The following FILIP1L variants were observed in gnomAD, a reference collection of about 807,000 sequenced individuals.
FILIP1L encodes filamin A-interacting protein 1-like.
A neutral mutation model predicts 96.6 loss-of-function variants in FILIP1L; 55 were observed. The ratio of observed to expected loss-of-function variants is 0.57; its 90% confidence interval spans 0.46 to 0.71. The LOEUF is 0.71. Ranked by LOEUF, FILIP1L falls within the 30% of genes least tolerant of loss-of-function variation. The probability of loss-of-function intolerance (pLI) is 0.00; values close to 1 mark genes in which losing one functional copy is unlikely to be tolerated. For missense variants in FILIP1L, 1,304 were observed against 1,321.2 expected (o/e 0.99, Z 0.20); for synonymous variants, 467 against 473.9 (o/e 0.99, Z 0.19).
Position 99,930,964 on chromosome 3 carries a change from A to G in FILIP1L, c.57T>C (p.His19=), listed in dbSNP as rs1707463706. 6.2e-7 allele frequency: 1 copy of G among 1,613,382 alleles called. No homozygotes were observed. The highest frequency in any genetic ancestry group is 1.1e-5 in the South Asian group (1 of 91,028). Residue 19 remains histidine, a synonymous_variant, in exon 2 of 6, where the codon CAT becomes CAC. Coordinates refer to ENST00000477258, the MANE Select transcript of FILIP1L (RefSeq NM_001387850.1). ...EGSAQKKFPR[H]TKGHSFQGPK... is the part of the protein sequence containing the mutation. ...GCCCTTGGAAACTGTGGCCTTTAGT[A>G]TGTCTTGGAAATTTCTTTTGGGCTG...
chr3:100,106,426 G>A (rs2107467451), intron 1 of FILIP1L, among the ~76,000 whole-genome samples: 1 of 152,060 alleles, frequency 6.6e-6, no homozygotes, highest in South Asian at 2.1e-4. Flanking sequence ...GCAAGATATG[G>A]CCCCAGGGAC....
At chr3:100,103,982 G>A (rs2066352692) in intron 1 of FILIP1L, among the ~76,000 whole-genome samples, 1 of 152,240 alleles carries the variant, frequency 6.6e-6, no homozygotes, top group African/African-American at 2.4e-5. Context: ...GAGGTTTTCA[G>A]TTAGTAGAAG....
intron 1 of FILIP1L, among the ~76,000 whole-genome samples, chr3:100,038,244 C>A (rs1258951152): frequency 6.6e-6 from 1 of 152,104 alleles, no homozygotes; most frequent in Non-Finnish European, 1.5e-5. Flanking sequence ...GCGTGAGCCA[C>A]CACGCCCGGC....
intron 4 of FILIP1L, among the ~76,000 whole-genome samples, chr3:99,852,901 T>C (rs1266576223): frequency 6.6e-6 from 1 of 152,242 alleles, no homozygotes; most frequent in Non-Finnish European, 1.5e-5. Context: ...TGCATCTTTT[T>C]TGTGGGAGTC....
At chr3:99,996,502 C>T (rs905157348) in intron 1 of FILIP1L, among the ~76,000 whole-genome samples, 26 of 152,252 alleles carry the variant, frequency 1.7e-4, no homozygotes, top group African/African-American at 5.3e-4. Flanking sequence ...TCCACATTTT[C>T]GGGTATCTTT....
intron 1 of FILIP1L, among the ~76,000 whole-genome samples, chr3:99,945,680 G>C (rs1348953919): frequency 6.6e-6 from 1 of 152,182 alleles, no homozygotes; most frequent in Admixed American, 6.5e-5. Context: ...GTCAATTTCA[G>C]CATGCAAAAC....
chr3:99,967,127 G>A (rs550364467), intron 1 of FILIP1L, among the ~76,000 whole-genome samples: 13 of 152,210 alleles, frequency 8.5e-5, no homozygotes, highest in Non-Finnish European at 1.6e-4. Flanking sequence ...AGAACTTTCT[G>A]AAAAGCTTGG....
At chr3:100,002,456 C>G (rs565012116) in intron 1 of FILIP1L, among the ~76,000 whole-genome samples, 1 of 152,318 alleles carries the variant, frequency 6.6e-6, no homozygotes, top group African/African-American at 2.4e-5. Context: ...CCACCAGTTT[C>G]TGCCTGCCAC....
intron 3 of FILIP1L, among the ~76,000 whole-genome samples, chr3:99,925,330 G>A (rs1427590505): frequency 3.3e-5 from 5 of 152,116 alleles, no homozygotes; most frequent in South Asian, 4.1e-4. Context: ...TCAACCTGTG[G>A]CTGATACATG....
At chr3:99,957,820 T>G (rs576615955) in intron 1 of FILIP1L, among the ~76,000 whole-genome samples, 1 of 150,822 alleles carries the variant, frequency 6.6e-6, no homozygotes, top group South Asian at 2.1e-4. Context: ...ATAGCTTGTT[T>G]TTAGTTCTTA....
At chr3:99,983,187 C>T (rs1353260541) in intron 1 of FILIP1L, among the ~76,000 whole-genome samples, 2 of 151,442 alleles carry the variant, frequency 1.3e-5, no homozygotes, top group Admixed American at 1.3e-4. Context: ...TGTTATCTAA[C>T]TTCTTTGAAT....
In FILIP1L at chr3:99,996,454, G is replaced by T. The variant is rs149221207; in HGVS notation, c.-10-65424C>A. Among the ~76,000 whole-genome samples the T allele has an allele frequency of 7.2e-3, 1,095 of 152,178 alleles. 4 individuals are homozygous for T. Among genetic ancestry groups the T allele is most frequent in the African/African-American group, 1.0e-2 (414 of 41,518 alleles). ...TGTCTTCTTCTGAGCCCTCCAAACT[G>T]TTCCAACCTCTGCCTTTTACCCAGT... is the stretch of plus-strand genomic sequence containing the variant. On this transcript the variant is annotated intron_variant, in intron 1 of 5. Transcript: ENST00000477258.
intron 1 of FILIP1L, among the ~76,000 whole-genome samples, chr3:99,991,477 A>G (rs980283313): frequency 9.9e-5 from 15 of 152,080 alleles, no homozygotes; most frequent in Admixed American, 8.5e-4. Context: ...TATATTTAGG[A>G]GGTACAAATG....
intron 5 of FILIP1L, 74 bp from the exon 6 acceptor site, chr3:99,830,679 G>A: frequency 6.9e-6 from 3 of 433,278 alleles, no homozygotes; most frequent in South Asian, 4.9e-5. Context: ...TTAGGACATG[G>A]AGTCAGTTTG....
At position 99,850,977 on chromosome 3, in the gene FILIP1L, G is replaced by C. The variant is rs1446965595; in HGVS notation, c.699C>G (p.Thr233=). The C allele has an allele frequency of 3.1e-6, 5 of 1,613,906 alleles. No individual in the cohort carries two copies. Among genetic ancestry groups the C allele is most frequent in the Admixed American group, 3.3e-5 (2 of 59,996 alleles). ...KRVTTLKEEL[T]KLKSFALMVV... Reference sequence around the variant, plus strand: ...CCATCAAAGCAAAAGACTTCAGCTTGGTCAGCTCCTCTTTCAGGGTGGTGA... The same window carrying C: ...CCATCAAAGCAAAAGACTTCAGCTTCGTCAGCTCCTCTTTCAGGGTGGTGA... Residue 233 remains threonine (T), a synonymous_variant, in exon 5 of 6, where the codon ACC becomes ACG. Coordinates refer to ENST00000477258, the MANE Select transcript of FILIP1L (RefSeq NM_001387850.1).
chr3:100,101,000 A>G (rs563240090), intron 1 of FILIP1L, among the ~76,000 whole-genome samples: 1 of 152,306 alleles, frequency 6.6e-6, no homozygotes, highest in Non-Finnish European at 1.5e-5. Flanking sequence ...GTGTGATGAC[A>G]GTGGCATCTC....
intron 4 of FILIP1L, among the ~76,000 whole-genome samples, chr3:99,921,307 C>T (rs1380971485): frequency 6.6e-6 from 1 of 152,144 alleles, no homozygotes; most frequent in Non-Finnish European, 1.5e-5. Context: ...TTAGTTTCCC[C>T]CACTTCCTGT....
At chr3:99,860,555 G>A (rs1216401878) in intron 4 of FILIP1L, among the ~76,000 whole-genome samples, 1 of 152,136 alleles carries the variant, frequency 6.6e-6, no homozygotes, top group Non-Finnish European at 1.5e-5. Flanking sequence ...CCAGTCTGAG[G>A]GTCCACAGGC....
At chr3:100,034,665 A>G (rs528748926) in intron 1 of FILIP1L, among the ~76,000 whole-genome samples, 64 of 152,314 alleles carry the variant, frequency 4.2e-4, no homozygotes, top group African/African-American at 1.4e-3. Flanking sequence ...TAGGTAAGAC[A>G]GTGAGTTTAG....
Sources: allele counts gnomAD v4.1 joint callset (sites outside exome capture counted in the v4.1 genomes callset), GRCh38; gene constraint gnomAD v4.1.1; transcripts MANE v1.5; gene names NCBI Gene and HGNC (gene_info 2026-07-23, HGNC 2026-07-21).